OSBPL5: variants seen among roughly 807,000 people sequenced by gnomAD.
OSBPL5 encodes the protein oxysterol-binding protein-related protein 5.
Under a neutral mutation model 111.2 loss-of-function variants are expected in OSBPL5, and 71 were observed. The observed-to-expected ratio is 0.64, with a 90% CI of 0.53 to 0.78. OSBPL5 has a LOEUF of 0.78. OSBPL5 is among the 30% of genes least tolerant of loss of function. The pLI, the probability that OSBPL5 is intolerant of heterozygous loss-of-function variation, is 0.00. For missense variants in OSBPL5, 1,210 were observed against 1,189.3 expected, an observed-to-expected ratio of 1.02 and a Z score of -0.26; for synonymous variants, 549 against 513.9, an observed-to-expected ratio of 1.07 and a Z score of -0.93.
intron 1 of OSBPL5, chr11:3,164,137 GT>G (rs1847043480): frequency 6.6e-6 from 1 of 152,280 alleles, no homozygotes; most frequent in Non-Finnish European, 1.5e-5. Context: ...TTGGGAGGCT[GT>G]ATCAGGTGGG....
chr11:3,093,200 G>A, intron 17 of OSBPL5, 148 bp from the exon 18 acceptor site: 1 of 923,618 alleles, frequency 1.1e-6, no homozygotes, highest in South Asian at 1.8e-5. Flanking sequence ...CTACTTTGAA[G>A]AGAGCTTTTC....
chr11:3,134,521 C>T (rs557324243), intron 1 of OSBPL5, among the ~76,000 whole-genome samples: 2 of 152,346 alleles, frequency 1.3e-5, no homozygotes, highest in South Asian at 4.1e-4. Context: ...CCAGCCCCTC[C>T]TCCTGCTGCT....
In OSBPL5 at chr11:3,146,037, C is replaced by T. The variant is rs888275347; in HGVS notation, c.-21-16868G>A. On this transcript the variant is annotated intron_variant, in intron 1 of 21. Coordinates refer to ENST00000263650, the MANE Select transcript of OSBPL5 (RefSeq NM_020896.4). This position sits in a 1 kb window ranked among gnomAD's most constrained non-coding sequence, Gnocchi z 7.8. Reference sequence around the variant, plus strand: ...AGGATTCACCTGGGGGCCCCTCCGCCCTGCCGGGAGCAAGCCAGACCCAGG... The same window carrying T: ...AGGATTCACCTGGGGGCCCCTCCGCTCTGCCGGGAGCAAGCCAGACCCAGG... The T allele has an allele frequency of 5.3e-5, 8 of 152,162 alleles. No homozygotes were observed. Among genetic ancestry groups the T allele is most frequent in the Non-Finnish European group, 8.8e-5 (6 of 68,024 alleles). The allele number at this position is 152,162 out of a possible 1,614,324, so 9.4% of individuals were successfully genotyped here. A position where few individuals can be genotyped will look rare whatever the true frequency, so the allele number is the denominator to read the frequency against.
intron 2 of OSBPL5, among the ~76,000 whole-genome samples, chr11:3,127,478 G>A (rs984675571): frequency 6.6e-6 from 1 of 152,126 alleles, no homozygotes. Flanking sequence ...CTGAGGAAGT[G>A]GTTCTGTCCA....
intron 7 of OSBPL5, among the ~76,000 whole-genome samples, chr11:3,114,901 C>T (rs895148346): frequency 1.3e-4 from 20 of 152,036 alleles, no homozygotes; most frequent in African/African-American, 3.9e-4. Flanking sequence ...CGCACCTGGC[C>T]GACATTTTCT....
chr11:3,143,395 C>G (rs935483076), intron 1 of OSBPL5, among the ~76,000 whole-genome samples: 2 of 152,316 alleles, frequency 1.3e-5, no homozygotes, highest in East Asian at 1.9e-4. Flanking sequence ...CCAGGTGGTC[C>G]GCGCACGCAC....
Position 3,105,465 on chromosome 11 carries a change from TGGAAA to T in OSBPL5, c.1060-1093_1060-1089del, listed in dbSNP as rs1272957416. On this transcript the variant is annotated intron_variant, in intron 9 of 21. Coordinates refer to ENST00000263650, the MANE Select transcript of OSBPL5 (RefSeq NM_020896.4). This position sits in a 1 kb window ranked among gnomAD's most constrained non-coding sequence, Gnocchi z 5.2. ...AGCCCAGTGCTGTAGCTTTGGGGCT[TGGAAA>T]TCATGGGTAGCTTCGGCTGTCAGGA... Among the ~76,000 whole-genome samples the T allele has an allele frequency of 1.3e-5, 2 of 152,136 alleles. No homozygotes were observed. Among genetic ancestry groups the T allele is most frequent in the African/African-American group, 4.8e-5 (2 of 41,410 alleles).
At chr11:3,149,550 G>A (rs1318838869) in intron 1 of OSBPL5, among the ~76,000 whole-genome samples, 1 of 152,240 alleles carries the variant, frequency 6.6e-6, no homozygotes, top group African/African-American at 2.4e-5. Flanking sequence ...CGCAGGCCGT[G>A]GGGACAGTTT....
At chr11:3,118,343 T>C (rs1212469099) in intron 7 of OSBPL5, among the ~76,000 whole-genome samples, 1 of 152,210 alleles carries the variant, frequency 6.6e-6, no homozygotes, top group East Asian at 1.9e-4. Flanking sequence ...CTCAAAGGAA[T>C]GCAACCATTT....
At chr11:3,137,289 C>T (rs918052351) in intron 1 of OSBPL5, among the ~76,000 whole-genome samples, 5 of 152,178 alleles carry the variant, frequency 3.3e-5, no homozygotes, top group Non-Finnish European at 7.4e-5. Flanking sequence ...GCCTGACCAC[C>T]CCTGCAGGAG....
intron 1 of OSBPL5, among the ~76,000 whole-genome samples, chr11:3,158,101 G>A (rs1001081298): frequency 2.6e-5 from 4 of 152,362 alleles, no homozygotes; most frequent in African/African-American, 7.2e-5. Flanking sequence ...GTTTCCAGAC[G>A]GGGCCCACAT....
chr11:3,095,866 T>G (rs1351787141), intron 14 of OSBPL5, among the ~76,000 whole-genome samples: 2 of 152,052 alleles, frequency 1.3e-5, no homozygotes, highest in Non-Finnish European at 2.9e-5. Flanking sequence ...ATCCAGGCAT[T>G]GAGAATCAAT....
chr11:3,087,115 G>A lies in OSBPL5; in HGVS notation c.*1090C>T, dbSNP rs1241495525. 6.6e-6 allele frequency: 1 copy of A among 152,424 alleles called. No individual in the cohort carries two copies. The highest frequency in any genetic ancestry group is 1.9e-4 in the East Asian group (1 of 5,186). The allele number at this position is 152,424 out of a possible 1,614,324, so 9.4% of individuals were successfully genotyped here. A position where few individuals can be genotyped will look rare whatever the true frequency, so the allele number is the denominator to read the frequency against. The stretch of plus-strand genomic sequence containing the variant: ...CCTCTCGTTTCCAGAAGTCCCGCAA[G>A]AAGAGAACACGTATGTGTCTGTTTA... On this transcript the variant is annotated 3_prime_UTR_variant, in exon 22 of 22. Transcript: ENST00000263650.
chr11:3,099,242 C>T (rs771403823), intron 14 of OSBPL5, among the ~76,000 whole-genome samples: 38 of 152,248 alleles, frequency 2.5e-4, no homozygotes, highest in Admixed American at 8.5e-4. Context: ...CATCTAGTCA[C>T]GTCTAATCAT....
rs184909249 is a variant in OSBPL5, at chr11:3,155,819, G to A, written c.-22+9397C>T. 2.4e-4 allele frequency among the ~76,000 whole-genome samples: 37 copies of A among 152,356 alleles called. No individual in the cohort carries two copies. The East Asian group carries it at 7.0e-3, about 29-fold the overall frequency. ...TGGTATTCCCAAGCCCCGTCTCCCC[G>A]TCTTTGGCAAGGCCACACACGTGTG... On this transcript the variant is annotated intron_variant, in intron 1 of 21. Transcript: ENST00000263650.
intron 1 of OSBPL5, among the ~76,000 whole-genome samples, chr11:3,157,945 G>C (rs951936475): frequency 1.3e-5 from 2 of 152,242 alleles, no homozygotes; most frequent in Non-Finnish European, 2.9e-5. Flanking sequence ...ACCCTTGGGT[G>C]CCAGTCACCA....
intron 11 of OSBPL5, among the ~76,000 whole-genome samples, chr11:3,102,482 G>A (rs1053335950): frequency 1.3e-5 from 2 of 152,194 alleles, no homozygotes; most frequent in Non-Finnish European, 1.5e-5. Flanking sequence ...ATTCTTGGGG[G>A]ACAGCCTCAG....
chr11:3,111,281 C>T (rs1358138112), intron 7 of OSBPL5, among the ~76,000 whole-genome samples: 1 of 152,056 alleles, frequency 6.6e-6, no homozygotes, highest in Non-Finnish European at 1.5e-5. Flanking sequence ...GTTTTCCCTG[C>T]TTCCATGACG....
intron 1 of OSBPL5, among the ~76,000 whole-genome samples, chr11:3,147,114 G>A (rs1846380408): frequency 7.1e-6 from 1 of 140,296 alleles, no homozygotes; most frequent in Non-Finnish European, 1.6e-5. Flanking sequence ...ACAGCCGTGT[G>A]ACTCACCCCG....
Sources: allele counts gnomAD v4.1 joint callset (sites outside exome capture counted in the v4.1 genomes callset), GRCh38; gene constraint gnomAD v4.1.1; non-coding constraint Gnocchi (gnomAD v3.1); transcripts MANE v1.5; gene names NCBI Gene and HGNC (gene_info 2026-07-23, HGNC 2026-07-21).